ROBO2: variants seen among roughly 807,000 people sequenced by gnomAD.
ROBO2 encodes roundabout homolog 2.
ROBO2 carries 53 observed loss-of-function variants against 160.8 expected under a neutral mutation model. That is an observed-to-expected ratio of 0.33 (90% CI 0.26 to 0.41). ROBO2 has a LOEUF of 0.41. ROBO2 is among the 10% of genes least tolerant of loss of function. ROBO2 has a pLI of 1.00. For missense variants in ROBO2, 1,577 were observed against 1,722.4 expected (o/e 0.92, Z 1.49); for synonymous variants, 664 against 611.7 (o/e 1.09, Z -1.26).
At chr3:77,528,626 C>A (rs535678386) in intron 6 of ROBO2, among the ~76,000 whole-genome samples, 2 of 151,758 alleles carry the variant, frequency 1.3e-5, no homozygotes, top group Admixed American at 6.6e-5. Flanking sequence ...GAGAATAATA[C>A]TGACTTATCA....
chr3:75,944,353 T>A (rs1358489231), intron 2 of ROBO2, among the ~76,000 whole-genome samples: 2 of 152,208 alleles, frequency 1.3e-5, no homozygotes, highest in Non-Finnish European at 2.9e-5. Flanking sequence ...CTGCTTATTC[T>A]TAATTCTTAT....
chr3:76,914,797 C>CAGG, intron 2 of ROBO2, among the ~76,000 whole-genome samples: 1 of 152,160 alleles, frequency 6.6e-6, no homozygotes, highest in South Asian at 2.1e-4. Flanking sequence ...AACAAGCTGA[C>CAGG]AGGAGCACAT....
chr3:76,544,901 T>C (rs1304549710), intron 2 of ROBO2, among the ~76,000 whole-genome samples: 1 of 152,034 alleles, frequency 6.6e-6, no homozygotes, highest in Non-Finnish European at 1.5e-5. Flanking sequence ...TTTTGTTGAC[T>C]CAAGCAGTTT....
At chr3:76,583,534 T>C (rs984967920) in intron 2 of ROBO2, among the ~76,000 whole-genome samples, 9 of 152,148 alleles carry the variant, frequency 5.9e-5, no homozygotes, top group Non-Finnish European at 1.3e-4. Context: ...AATTCTTCAT[T>C]TTCTTGGACT....
chr3:75,986,499 G>T (rs1474896982), intron 2 of ROBO2, among the ~76,000 whole-genome samples: 1 of 150,818 alleles, frequency 6.6e-6, no homozygotes, highest in Non-Finnish European at 1.5e-5. Flanking sequence ...CTGGGTTGCC[G>T]TTTTATTCTG....
intron 2 of ROBO2, among the ~76,000 whole-genome samples, chr3:76,970,330 A>G (rs1473090469): frequency 2.0e-5 from 3 of 152,208 alleles, no homozygotes; most frequent in Non-Finnish European, 2.9e-5. Context: ...CTTATTCTTC[A>G]AATAGAAATG....
intron 2 of ROBO2, among the ~76,000 whole-genome samples, chr3:76,652,883 G>A (rs911564631): frequency 6.6e-6 from 1 of 151,868 alleles, no homozygotes; most frequent in South Asian, 2.1e-4. Context: ...TAGCATTCTG[G>A]CATTGTGATT....
intron 2 of ROBO2, among the ~76,000 whole-genome samples, chr3:76,601,748 C>G (rs2087160902): frequency 6.6e-6 from 1 of 152,174 alleles, no homozygotes; most frequent in African/African-American, 2.4e-5. Flanking sequence ...AGCCATTTTC[C>G]CCCATAGTCC....
At chr3:76,344,533 G>A (rs571127461) in intron 2 of ROBO2, among the ~76,000 whole-genome samples, 9 of 152,192 alleles carry the variant, frequency 5.9e-5, no homozygotes, top group African/African-American at 1.4e-4. Context: ...CTCAGAAGTC[G>A]GGATAGGAGT....
chr3:77,406,052 C>T (rs2076226858), intron 2 of ROBO2, among the ~76,000 whole-genome samples: 1 of 152,190 alleles, frequency 6.6e-6, no homozygotes, highest in South Asian at 2.1e-4. Flanking sequence ...TTAATTGACT[C>T]ACAGTTCTGC....
chr3:77,022,196 C>T (rs1055587066), intron 2 of ROBO2, among the ~76,000 whole-genome samples: 2 of 152,194 alleles, frequency 1.3e-5, no homozygotes, highest in Non-Finnish European at 2.9e-5. Flanking sequence ...ATGGCGAAAT[C>T]TCGTCTCTAC....
At chr3:77,287,276 A>C (rs1440528253) in intron 2 of ROBO2, among the ~76,000 whole-genome samples, 1 of 151,838 alleles carries the variant, frequency 6.6e-6, no homozygotes. Context: ...ATAGCGTAGA[A>C]TTGCAACATG....
intron 2 of ROBO2, among the ~76,000 whole-genome samples, chr3:77,010,715 C>G (rs2061833598): frequency 6.6e-6 from 1 of 152,094 alleles, no homozygotes; most frequent in Non-Finnish European, 1.5e-5. Context: ...TTATTGAACT[C>G]TTAACTAAAA....
At chr3:76,824,207 T>C (rs903124974) in intron 2 of ROBO2, among the ~76,000 whole-genome samples, 4 of 152,186 alleles carry the variant, frequency 2.6e-5, no homozygotes, top group African/African-American at 9.6e-5. Flanking sequence ...GTCCCTTCCA[T>C]TTCTACTCCA....
At chr3:76,691,186 C>A (rs962473787) in intron 2 of ROBO2, among the ~76,000 whole-genome samples, 8 of 152,050 alleles carry the variant, frequency 5.3e-5, no homozygotes, top group African/African-American at 1.9e-4. Context: ...AGGGAATGGG[C>A]TCCTAACAAA....
At chr3:76,738,089 G>A (rs1002032527) in intron 2 of ROBO2, among the ~76,000 whole-genome samples, 2 of 151,780 alleles carry the variant, frequency 1.3e-5, no homozygotes, top group Non-Finnish European at 1.5e-5. Flanking sequence ...AGCCGTGATC[G>A]CAACACTGCA....
intron 2 of ROBO2, among the ~76,000 whole-genome samples, chr3:76,445,259 G>GA (rs567754976): frequency 3.2e-4 from 48 of 151,964 alleles, no homozygotes; most frequent in African/African-American, 1.1e-3. Context: ...CCATCAAATA[G>GA]AAAAAAACTC....
chr3:76,674,749 C>A (rs758717399), intron 2 of ROBO2, among the ~76,000 whole-genome samples: 1 of 152,102 alleles, frequency 6.6e-6, no homozygotes, highest in Admixed American at 6.6e-5. Flanking sequence ...ATTCTGTCTG[C>A]GTTTCTAACG....
rs182081892 is a variant in ROBO2 at position 76,945,227 on chromosome 3, C to T, written c.110-152787C>T. Among the ~76,000 whole-genome samples, 256 of 152,058 alleles carry T rather than the reference C, an allele frequency of 1.7e-3. 1 individual carries two copies. The highest frequency in any genetic ancestry group is 5.3e-3 in the African/African-American group (218 of 41,476). ...AAGCGCCAGTTTAGGGTCCTAGGTC[C>T]TAAGAAATCAGAAGTATTTTGCGCA... is the stretch of plus-strand genomic sequence containing the variant. On this transcript the variant is annotated intron_variant, in intron 2 of 26. Coordinates refer to the ROBO2 transcript ENST00000487694.
Sources: gnomAD v4.1 joint callset for allele counts (sites outside exome capture counted in the v4.1 genomes callset) on GRCh38, gnomAD v4.1.1 for gene constraint, MANE v1.5 for transcripts, NCBI Gene and HGNC (gene_info 2026-07-23, HGNC 2026-07-21) for gene names.